The following OSBPL3 variants were observed in gnomAD, a reference collection of about 807,000 sequenced individuals.
The protein encoded by OSBPL3 is oxysterol-binding protein-related protein 3.
Under a neutral mutation model 120.1 loss-of-function variants are expected in OSBPL3, and 65 were observed. That is an observed-to-expected ratio of 0.54 (90% CI 0.44 to 0.67). OSBPL3 has a LOEUF of 0.67. OSBPL3 is among the 30% of genes least tolerant of loss of function. OSBPL3 has a pLI of 0.00. For missense variants in OSBPL3, 1,004 were observed against 1,082.1 expected (o/e 0.93, Z 1.01); for synonymous variants, 416 against 402.6 (o/e 1.03, Z -0.40).
chr7:24,838,082 C>T (rs1393701828), intron 14 of OSBPL3, among the ~76,000 whole-genome samples: 1 of 152,116 alleles, frequency 6.6e-6, no homozygotes, highest in Non-Finnish European at 1.5e-5. Flanking sequence ...AGTATTGATG[C>T]TTAGAAATAT....
rs1339331747 is a variant in OSBPL3, at chr7:24,879,651, G to C, written c.97-7582C>G. On this transcript the variant is annotated intron_variant, in intron 2 of 22. Transcript: ENST00000313367. The surrounding 1 kb of genome is among the most constrained non-coding windows in gnomAD (Gnocchi z 5.6). ...GCCAGCAGCTGATACTGACAACAAG[G>C]AGATAAAATCCTGTGGGCTGCCAGC... is the stretch of plus-strand genomic sequence containing the variant. Among the ~76,000 whole-genome samples, 1 of 152,208 alleles carries C rather than the reference G, an allele frequency of 6.6e-6. No homozygotes were observed. The highest frequency in any genetic ancestry group is 1.9e-4 in the East Asian group (1 of 5,198).
chr7:24,848,882 C>T (rs367792652), intron 12 of OSBPL3, among the ~76,000 whole-genome samples, 187 bp downstream of exon 12: 3 of 152,116 alleles, frequency 2.0e-5, no homozygotes, highest in Non-Finnish European at 2.9e-5. Flanking sequence ...TAGCAGCATA[C>T]GCTCAAGAAA....
chr7:24,927,615 T>C (rs1221315585), intron 1 of OSBPL3, among the ~76,000 whole-genome samples: 4 of 152,222 alleles, frequency 2.6e-5, no homozygotes, highest in African/African-American at 9.6e-5. Flanking sequence ...TGTGTATGGG[T>C]GGATTGTTCA....
rs1792790235 is a variant in OSBPL3, at chr7:24,804,512, A to G, written c.2445-75T>C. 7.1e-7 allele frequency: 1 copy of G among 1,410,128 alleles called. No individual in the cohort carries two copies. The highest frequency in any genetic ancestry group is 1.4e-5 in the African/African-American group (1 of 69,612). 87.4% of individuals were successfully genotyped at this position (1,410,128 alleles called of 1,614,324 possible). On this transcript the variant is annotated intron_variant, in intron 21 of 22. Coordinates refer to ENST00000313367, the MANE Select transcript of OSBPL3 (RefSeq NM_015550.4). The surrounding 1 kb of genome is among the most constrained non-coding windows in gnomAD (Gnocchi z 5.4). ...AAACAATCATTACTACTCAACTTGC[A>G]TGTGTCCACGACTGGATATTCAAAA...
intron 1 of OSBPL3, among the ~76,000 whole-genome samples, chr7:24,917,368 T>C (rs920740360): frequency 1.5e-5 from 2 of 133,620 alleles, no homozygotes; most frequent in African/African-American, 2.7e-5. Context: ...TCCTGGAGCA[T>C]AGGATATTTG....
rs1562793997 is a variant in OSBPL3, at chr7:24,833,644, CT to C, written c.1746+841del. ...AATGCCCAGGAGAGAGACTCTGCAT[CT>C]GGGGGACACTGCTGTCCCAGCATCC... On this transcript the variant is annotated intron_variant, in intron 15 of 22. Coordinates refer to ENST00000313367, the MANE Select transcript of OSBPL3 (RefSeq NM_015550.4). This position sits in a 1 kb window ranked among gnomAD's most constrained non-coding sequence, Gnocchi z 4.4. Among the ~76,000 whole-genome samples the C allele has an allele frequency of 6.6e-6, 1 of 152,322 alleles. No homozygotes were observed. The highest frequency in any genetic ancestry group is 1.9e-4 in the East Asian group (1 of 5,174).
At chr7:24,949,808 T>C (rs1431581452) in intron 1 of OSBPL3, among the ~76,000 whole-genome samples, 1 of 152,126 alleles carries the variant, frequency 6.6e-6, no homozygotes, top group Non-Finnish European at 1.5e-5. Flanking sequence ...CACTCTGTTA[T>C]TATTGACTTT....
chr7:24,888,852 T>C (rs1048986970), intron 2 of OSBPL3, among the ~76,000 whole-genome samples: 10 of 152,104 alleles, frequency 6.6e-5, no homozygotes, highest in Non-Finnish European at 1.3e-4. Flanking sequence ...AGAAAACTAG[T>C]GTGGCTGAAG....
chr7:24,824,862 G>C lies in OSBPL3; in HGVS notation c.1885-4624C>G, dbSNP rs1259228184. Among the ~76,000 whole-genome samples, 2 of 152,208 alleles carry C rather than the reference G, an allele frequency of 1.3e-5. No individual in the cohort carries two copies. Among genetic ancestry groups the C allele is most frequent in the Non-Finnish European group, 2.9e-5 (2 of 68,046 alleles). ...TAATAATGGAAACCTGTGGGGCTGAGAGAAGTTCGGAAGTTAACCATGCAG... is the reference window on the plus strand; with the variant it reads ...TAATAATGGAAACCTGTGGGGCTGACAGAAGTTCGGAAGTTAACCATGCAG... On this transcript the variant is annotated intron_variant, in intron 16 of 22. Transcript: ENST00000313367. The surrounding 1 kb of genome is among the most constrained non-coding windows in gnomAD (Gnocchi z 4.9).
chr7:24,942,089 C>A (rs1215293112), intron 1 of OSBPL3, among the ~76,000 whole-genome samples: 1 of 151,884 alleles, frequency 6.6e-6, no homozygotes, highest in East Asian at 1.9e-4. Flanking sequence ...GTACTTTGGG[C>A]ACCACCAGAA....
rs1554404721 is a variant in OSBPL3 at position 24,916,922 on chromosome 7, C to CCG, written c.-149-24302_-149-24301insCG. 7.9e-6 allele frequency among the ~76,000 whole-genome samples: 1 copy of CCG among 126,600 alleles called. No individual in the cohort carries two copies. Among genetic ancestry groups the CCG allele is most frequent in the Non-Finnish European group, 1.8e-5 (1 of 55,576 alleles). 83.1% of individuals were successfully genotyped at this position (126,600 alleles called of 152,430 possible). On this transcript the variant is annotated intron_variant, in intron 1 of 22. Transcript: ENST00000313367. This position sits in a 1 kb window ranked among gnomAD's most constrained non-coding sequence, Gnocchi z 4.9. ...ACTAAGACGTCTTCCATTTCCACCC[C>CCG]CCCCAACCTTTTTAGAAAATTAAAT...
chr7:24,845,874 T>C (rs1275872492), intron 12 of OSBPL3, among the ~76,000 whole-genome samples: 1 of 152,190 alleles, frequency 6.6e-6, no homozygotes, highest in Non-Finnish European at 1.5e-5. Flanking sequence ...CAGCAGGGCA[T>C]GGTGGGTAGT....
chr7:24,979,815 C>T (rs964478685), intron 1 of OSBPL3, 71 bp downstream of exon 1: 13 of 686,730 alleles, frequency 1.9e-5, no homozygotes, highest in South Asian at 6.1e-5. Context: ...AACAGCAGCC[C>T]TTCCGAGCCC....
intron 1 of OSBPL3, among the ~76,000 whole-genome samples, chr7:24,951,607 C>T (rs1197539167): frequency 6.6e-6 from 1 of 152,058 alleles, no homozygotes; most frequent in Non-Finnish European, 1.5e-5. Flanking sequence ...TTCCCCCTAC[C>T]CACACACACA....
intron 10 of OSBPL3, among the ~76,000 whole-genome samples, chr7:24,856,438 G>C (rs1562834363): frequency 6.6e-6 from 1 of 152,136 alleles, no homozygotes; most frequent in East Asian, 1.9e-4. Flanking sequence ...TTCTTAACAT[G>C]CTCCTTCTTT....
In OSBPL3 at chr7:24,952,259, T is replaced by A. The variant is rs938378002; in HGVS notation, c.-150+27627A>T. On this transcript the variant is annotated intron_variant, in intron 1 of 22. Transcript: ENST00000313367. This position sits in a 1 kb window ranked among gnomAD's most constrained non-coding sequence, Gnocchi z 4.4. ...GTTAGGATCTGTAATCTAAACAGAA[T>A]TAAGAAAAAAAATTAAGAAGCTAAG... Among the ~76,000 whole-genome samples, 7 of 152,238 alleles carry A rather than the reference T, an allele frequency of 4.6e-5. No individual in the cohort carries two copies. The highest frequency in any genetic ancestry group is 6.8e-3 in the Middle Eastern group (2 of 294).
chr7:24,887,724 C>G (rs1804739311), intron 2 of OSBPL3, among the ~76,000 whole-genome samples: 1 of 152,178 alleles, frequency 6.6e-6, no homozygotes, highest in South Asian at 2.1e-4. Flanking sequence ...GCTGTGCTCT[C>G]CCTGCCTTAT....
rs1176841738 is a variant in OSBPL3 at position 24,939,916 on chromosome 7, G to C, written c.-150+39970C>G. Among the ~76,000 whole-genome samples the C allele has an allele frequency of 6.6e-6, 1 of 152,142 alleles. No individual in the cohort carries two copies. Among genetic ancestry groups the C allele is most frequent in the Non-Finnish European group, 1.5e-5 (1 of 68,020 alleles). On this transcript the variant is annotated intron_variant, in intron 1 of 22. Coordinates refer to ENST00000313367, the MANE Select transcript of OSBPL3 (RefSeq NM_015550.4). The surrounding 1 kb of genome is among the most constrained non-coding windows in gnomAD (Gnocchi z 4.2). The stretch of plus-strand genomic sequence containing the variant: ...GTCTTAAAACCTAGATGATGGGTTG[G>C]CAGGTGCAGCAAATCACCATGGCAC...
Position 24,830,670 on chromosome 7 carries a change from T to C in OSBPL3, c.1884+98A>G. 8.4e-7 allele frequency: 1 copy of C among 1,186,104 alleles called. No individual in the cohort carries two copies. Among genetic ancestry groups the C allele is most frequent in the Non-Finnish European group, 1.2e-6 (1 of 839,176 alleles). The allele number at this position is 1,186,104 out of a possible 1,614,324, so 73.5% of individuals were successfully genotyped here. ...AGCACTGTAATTATCTCGGCTGCTTTGAAGCCAGTGAAAGGTGGAAGATAA... is the reference window on the plus strand; with the variant it reads ...AGCACTGTAATTATCTCGGCTGCTTCGAAGCCAGTGAAAGGTGGAAGATAA... On this transcript the variant is annotated intron_variant, in intron 16 of 22. Transcript: ENST00000313367. This position sits in a 1 kb window ranked among gnomAD's most constrained non-coding sequence, Gnocchi z 4.4.
Sources: gnomAD v4.1 joint callset for allele counts (sites outside exome capture counted in the v4.1 genomes callset) on GRCh38, gnomAD v4.1.1 for gene constraint, Gnocchi (gnomAD v3.1) non-coding constraint, MANE v1.5 for transcripts, NCBI Gene and HGNC (gene_info 2026-07-23, HGNC 2026-07-21) for gene names.